The following MAP3K15 variants were observed in gnomAD, a reference collection of about 807,000 sequenced individuals.
The protein encoded by MAP3K15 is mitogen-activated protein kinase kinase kinase 15, also known as MAPK/ERK kinase kinase 15.
A neutral mutation model predicts 99.5 loss-of-function variants in MAP3K15; 124 were observed. That is an observed-to-expected ratio of 1.25 (90% CI 1.08 to 1.45). MAP3K15 has a LOEUF of 1.45. Among genes scored for constraint, MAP3K15 ranks in the 40% most tolerant of loss-of-function variants. The pLI, the probability that MAP3K15 is intolerant of heterozygous loss-of-function variation, is 0.00. For synonymous variants in MAP3K15, 494 were observed against 439.6 expected, an observed-to-expected ratio of 1.12 and a Z score of -1.55; for missense variants, 1,242 against 1,079.7, an observed-to-expected ratio of 1.15 and a Z score of -2.11.
At chrX:19,470,343 A>T (rs1262992865) in intron 3 of MAP3K15, among the ~76,000 whole-genome samples, 1 of 110,784 alleles carries the variant, frequency 9.0e-6, no homozygotes. Context: ...TAGGTGGGAA[A>T]TGAACAATGA....
intron 24 of MAP3K15, among the ~76,000 whole-genome samples, chrX:19,369,650 C>T (rs1383233182): frequency 9.0e-6 from 1 of 111,419 alleles, no homozygotes; most frequent in Non-Finnish European, 1.9e-5. Context: ...GGCGCAGTGG[C>T]TCACGCCTGT....
intron 15 of MAP3K15, among the ~76,000 whole-genome samples, chrX:19,395,520 C>G (rs1448193448): frequency 9.0e-6 from 1 of 111,187 alleles, no homozygotes; most frequent in Non-Finnish European, 1.9e-5. Context: ...ACCCACCAAC[C>G]ATTCTTTACC....
intron 26 of MAP3K15, 35 bp downstream of exon 26, chrX:19,362,703 G>C (rs773254371): frequency 1.2e-6 from 1 of 823,990 alleles, no homozygotes; most frequent in East Asian, 3.1e-5. Flanking sequence ...ATATTAGCTA[G>C]ATGTTAAAGT....
intron 9 of MAP3K15, among the ~76,000 whole-genome samples, chrX:19,421,382 C>A (rs7877074): frequency 0.018 from 1,978 of 110,434 alleles, 49 homozygotes; most frequent in African/African-American, 0.062. Context: ...TTATACACCA[C>A]TAACAGACAA....
Position 19,444,840 on chromosome X carries a change from C to T in MAP3K15, c.995+12073G>A, listed in dbSNP as rs1463301474. ...AAGGGCAGTAGGTGCGAAAGACACA[C>T]AATGGCCTGATAGCATCCCACTGCC... On this transcript the variant is annotated intron_variant, in intron 6 of 28. Transcript: ENST00000338883. Among the ~76,000 whole-genome samples the T allele has an allele frequency of 2.7e-5, 3 of 111,318 alleles. No homozygotes were observed. The Admixed American group carries it at 2.9e-4, about 11-fold the overall frequency.
chrX:19,376,154 C>A (rs145223070), intron 19 of MAP3K15, among the ~76,000 whole-genome samples: 1,169 of 111,537 alleles, frequency 0.01, 17 homozygotes, highest in African/African-American at 0.037. Flanking sequence ...TTGTATTGGT[C>A]TCCTAGGGCC....
intron 18 of MAP3K15, among the ~76,000 whole-genome samples, chrX:19,391,674 CAAAAAAAAAAAA>C (rs759061873): frequency 3.2e-4 from 9 of 28,535 alleles, no homozygotes; most frequent in South Asian, 2.0e-3. Context: ...GACCCCGTCT[CAAAAAAAAAAAA>C]AAAAAAAAAA....
chrX:19,439,717 C>T (rs1443065298), intron 6 of MAP3K15, among the ~76,000 whole-genome samples: 1 of 112,128 alleles, frequency 8.9e-6, no homozygotes, highest in East Asian at 2.8e-4. Context: ...GATCCTCCCA[C>T]CTCGGCCTGC....
chrX:19,465,015 C>T (rs2064156591), intron 3 of MAP3K15, among the ~76,000 whole-genome samples: 1 of 110,484 alleles, frequency 9.1e-6, no homozygotes, highest in African/African-American at 3.3e-5. Flanking sequence ...CCTCAGCCTC[C>T]CTAGTAGCTG....
chrX:19,398,173 G>A, intron 15 of MAP3K15, 53 bp downstream of exon 15: 1 of 1,199,443 alleles, frequency 8.3e-7, no homozygotes, highest in Non-Finnish European at 1.1e-6. Flanking sequence ...GTGGGTATGG[G>A]ATCTGGGGTG....
rs376577442 is a variant in MAP3K15, at chrX:19,460,195, C to A, written c.720-42G>T. 1.4e-4 allele frequency: 138 copies of A among 1,014,203 alleles called. 2 individuals are homozygous for A. The East Asian group carries it at 4.2e-3, about 31-fold the overall frequency. The allele number at this position is 1,014,203 out of a possible 1,213,427, so 83.6% of individuals were successfully genotyped here. A position where few individuals can be genotyped will look rare whatever the true frequency, so the allele number is the denominator to read the frequency against. On this transcript the variant is annotated intron_variant, in intron 4 of 28. Coordinates refer to ENST00000338883, the MANE Select transcript of MAP3K15 (RefSeq NM_001001671.4). The stretch of plus-strand genomic sequence containing the variant: ...ACAAAATCCTCCAGTCACATCTGCA[C>A]GCACCCAGGACTGTCTTGCGCCCAA...
At chrX:19,510,753 C>T (rs780494197) in intron 1 of MAP3K15, among the ~76,000 whole-genome samples, 229 of 111,715 alleles carry the variant, frequency 2.0e-3, no homozygotes, top group African/African-American at 7.0e-3. Context: ...GAAGTCAAAT[C>T]GTCTGTTTGT....
intron 3 of MAP3K15, among the ~76,000 whole-genome samples, chrX:19,466,030 T>A (rs993457659): frequency 9.1e-6 from 1 of 110,348 alleles, no homozygotes; most frequent in South Asian, 3.9e-4. Flanking sequence ...CACAGCTTAC[T>A]GCAGTCTCAA....
intron 7 of MAP3K15, among the ~76,000 whole-genome samples, chrX:19,430,119 C>A (rs908559129): frequency 8.9e-6 from 1 of 112,312 alleles, no homozygotes; most frequent in African/African-American, 3.2e-5. Flanking sequence ...TTCCTCCTAG[C>A]CAGAGGTGGA....
Position 19,373,692 on chromosome X carries a change from C to A in MAP3K15, c.2777G>T (p.Gly926Val). 8.3e-7 allele frequency: 1 copy of A among 1,198,049 alleles called. No individual in the cohort carries two copies. ...KNRIAFKPSE[G>V]PRGVVLALPT... is the part of the protein sequence containing the mutation. ...CAGGGCCAGGACGACACCGCGGGGA[C>A]CTTCTGTAGGGGGACAGCCAGACAC... Residue 926 changes from glycine (G) to valine (V), a missense_variant, in exon 21 of 29, where the codon GGT (glycine) becomes GTT (valine). By Grantham distance (109) the Gly-to-Val change is moderately radical. Transcript: ENST00000338883.
chrX:19,423,427 A>C (rs2063803391), intron 9 of MAP3K15, among the ~76,000 whole-genome samples: 1 of 110,073 alleles, frequency 9.1e-6, no homozygotes, highest in African/African-American at 3.3e-5. Flanking sequence ...ATGTTATGAC[A>C]TCTTGACTCT....
chrX:19,361,637 ACT>A (rs755908979), intron 26 of MAP3K15, 44 bp from the exon 27 acceptor site: 1 of 932,164 alleles, frequency 1.1e-6, no homozygotes, highest in Non-Finnish European at 1.5e-6. Context: ...TAACCATAAA[ACT>A]CTTCAAAAGT....
At chrX:19,453,007 C>G (rs111868427) in intron 6 of MAP3K15, among the ~76,000 whole-genome samples, 1,843 of 110,852 alleles carry the variant, frequency 0.017, 39 homozygotes, top group African/African-American at 0.057. Context: ...GTCACAGAAA[C>G]AGAAGAATGG....
intron 6 of MAP3K15, among the ~76,000 whole-genome samples, chrX:19,452,123 GAGA>G (rs2064047321): frequency 0.083 from 1 of 12 alleles, no homozygotes; most frequent in African/African-American, 0.083. Flanking sequence ...GAGAAGAGAA[GAGA>G]AGAGAAGAGA....
Sources: allele counts gnomAD v4.1 joint callset (sites outside exome capture counted in the v4.1 genomes callset), GRCh38; gene constraint gnomAD v4.1.1; transcripts MANE v1.5; gene names NCBI Gene and HGNC (gene_info 2026-07-23, HGNC 2026-07-21).